MTPN: variants seen among roughly 807,000 people sequenced by gnomAD.
The protein encoded by MTPN is granule cell differentiation protein.
A neutral mutation model predicts 13.5 loss-of-function variants in MTPN; 2 were observed. That is an observed-to-expected ratio of 0.15 (90% CI 0.06 to 0.47). The LOEUF (loss-of-function observed/expected upper bound fraction) is 0.47. MTPN is among the 20% of genes least tolerant of loss of function. The pLI, the probability that MTPN is intolerant of heterozygous loss-of-function variation, is 0.97. For synonymous variants in MTPN, 46 were observed against 51.7 expected (o/e 0.89, Z 0.48); for missense variants, 79 against 137.9 (o/e 0.57, Z 2.14).
intron 1 of MTPN, among the ~76,000 whole-genome samples, chr7:135,953,787 C>G (rs1172786184): frequency 6.6e-6 from 1 of 152,006 alleles, no homozygotes; most frequent in Non-Finnish European, 1.5e-5. Flanking sequence ...AGAGTTTCAT[C>G]AGAAAGCATT....
intron 1 of MTPN, among the ~76,000 whole-genome samples, chr7:135,965,092 T>C (rs1037868799): frequency 7.2e-5 from 11 of 152,094 alleles, no homozygotes; most frequent in Non-Finnish European, 1.5e-4. Context: ...GCTGCCCCTT[T>C]ACAAAAAATG....
chr7:135,969,088 T>TGGGG (rs71174565), intron 1 of MTPN, among the ~76,000 whole-genome samples: 7 of 33,608 alleles, frequency 2.1e-4, no homozygotes, highest in African/African-American at 5.8e-4. Flanking sequence ...TGTTGTGGGG[T>TGGGG]GGGGGGGGGG....
chr7:135,975,312 T>A (rs1487114019), intron 1 of MTPN, among the ~76,000 whole-genome samples: 1 of 152,262 alleles, frequency 6.6e-6, no homozygotes, highest in African/African-American at 2.4e-5. Flanking sequence ...AATCTTGGTA[T>A]GATACGCTTT....
At chr7:135,964,917 A>G (rs1170662434) in intron 1 of MTPN, among the ~76,000 whole-genome samples, 3 of 152,122 alleles carry the variant, frequency 2.0e-5, no homozygotes, top group Admixed American at 2.0e-4. Flanking sequence ...AGATGTGCAA[A>G]CTACGGCTCA....
chr7:135,972,260 C>CACACACACACACACACACACACACA (rs1554395914), intron 1 of MTPN, among the ~76,000 whole-genome samples: 1 of 83,372 alleles, frequency 1.2e-5, no homozygotes, highest in African/African-American at 4.3e-5. Context: ...CACACACACA[C>CACACACACACACACACACACACACA]CCCATGTAGA....
intron 1 of MTPN, among the ~76,000 whole-genome samples, chr7:135,963,079 T>C (rs542720746): frequency 6.6e-6 from 1 of 152,164 alleles, no homozygotes; most frequent in East Asian, 1.9e-4. Context: ...AACTAAATAT[T>C]GGACACCTGA....
chr7:135,937,978 C>CTA (rs1329643368), intron 3 of MTPN, among the ~76,000 whole-genome samples: 1 of 152,160 alleles, frequency 6.6e-6, no homozygotes, highest in Non-Finnish European at 1.5e-5. Context: ...TTTATGTCAT[C>CTA]TATATGCTTC....
chr7:135,972,916 T>A (rs1460174996), intron 1 of MTPN, among the ~76,000 whole-genome samples: 1 of 151,910 alleles, frequency 6.6e-6, no homozygotes, highest in African/African-American at 2.4e-5. Context: ...GCAGACTTGG[T>A]CAGGGAGGAT....
rs1278560106 is a variant in MTPN at position 135,927,424 on chromosome 7, T to C, written c.*2502A>G. The C allele has an allele frequency of 6.5e-6, 10 of 1,542,892 alleles. No homozygotes were observed. Among genetic ancestry groups the C allele is most frequent in the Middle Eastern group, 1.7e-4 (1 of 5,944 alleles). On this transcript the variant is annotated 3_prime_UTR_variant, in exon 4 of 4. Transcript: ENST00000393085. ...GTAAACTACCTGTTTGTACTTGATA[T>C]AGTGCATATGAAATGACTGATTTAA...
rs116867961 is a variant in MTPN, at chr7:135,929,029, C to G, written c.*897G>C. On this transcript the variant is annotated 3_prime_UTR_variant, in exon 4 of 4. Transcript: ENST00000393085. ...AACCAAGGTCAATCCATTCAAACAG[C>G]AAATAAAGAAAATCCATAGGTACTA... 2,239 of 167,122 alleles carry G rather than the reference C, an allele frequency of 0.013. 27 individuals carry two copies. Among genetic ancestry groups the G allele is most frequent in the Non-Finnish European group, 0.019 (1,286 of 68,088 alleles). The allele number at this position is 167,122 out of a possible 1,614,324, so 10.4% of individuals were successfully genotyped here. A position where few individuals can be genotyped will look rare whatever the true frequency, so the allele number is the denominator to read the frequency against.
At chr7:135,976,094 T>G (rs1360708284) in intron 1 of MTPN, among the ~76,000 whole-genome samples, 1 of 152,244 alleles carries the variant, frequency 6.6e-6, no homozygotes, top group African/African-American at 2.4e-5. Flanking sequence ...AGATTATCAC[T>G]AAATTAAAAT....
intron 3 of MTPN, among the ~76,000 whole-genome samples, chr7:135,939,280 A>C (rs1473784620): frequency 6.6e-6 from 1 of 152,092 alleles, no homozygotes; most frequent in Admixed American, 6.5e-5. Flanking sequence ...TTCAATTGTT[A>C]GATTCTCTGT....
rs1414995506 is a variant in MTPN at position 135,929,927 on chromosome 7, C to T, written c.356G>A (p.Ter119=). The change falls in exon 4 of 4, where the codon TGA becomes TAA. Residue 119 remains the stop codon, a stop_retained_variant. Transcript: ENST00000393085. ...CGGAGTTATCAGTCCATCCATCCAT[C>T]ACTGGAGAAGAGCTTTGATTGCCTG... ...DNQAIKALLQ[*] 29 of 1,613,878 alleles carry T rather than the reference C, an allele frequency of 1.8e-5. No homozygotes were observed. The highest frequency in any genetic ancestry group is 2.4e-5 in the Non-Finnish European group (28 of 1,179,888).
At chr7:135,930,591 T>C (rs35038606) in intron 3 of MTPN, among the ~76,000 whole-genome samples, 19,602 of 152,186 alleles carry the variant, frequency 0.13, 1,436 homozygotes, top group East Asian at 0.16. Context: ...AACGCTTAAC[T>C]TGGAGAGTGC....
intron 1 of MTPN, among the ~76,000 whole-genome samples, chr7:135,953,417 C>A (rs546356690): frequency 1.3e-5 from 2 of 152,222 alleles, no homozygotes; most frequent in South Asian, 4.1e-4. Context: ...AGAACAGGAG[C>A]TCCATCACCA....
intron 3 of MTPN, among the ~76,000 whole-genome samples, chr7:135,933,292 T>C (rs968541082): frequency 2.0e-5 from 3 of 152,138 alleles, no homozygotes; most frequent in African/African-American, 7.2e-5. Flanking sequence ...TCCTGCTACA[T>C]ACATAGGCCT....
rs568612305 is a variant in MTPN, at chr7:135,977,112, G to C, written c.-12C>G. ...TCCTTGTCGCACATCACTGCAGCGG[G>C]GCAGGCCGGTTGGCCGGGCAGAAGA... On this transcript the variant is annotated 5_prime_UTR_variant, in exon 1 of 4. Coordinates refer to ENST00000393085, the MANE Select transcript of MTPN (RefSeq NM_145808.4). The C allele has an allele frequency of 8.7e-6, 14 of 1,613,932 alleles. No homozygotes were observed. In the South Asian group the frequency reaches 1.4e-4, roughly 16 times the overall value.
intron 1 of MTPN, among the ~76,000 whole-genome samples, chr7:135,975,563 TA>T: frequency 6.6e-6 from 1 of 152,256 alleles, no homozygotes. Flanking sequence ...TTGGTAGCTG[TA>T]AGTTCAGTTA....
In MTPN at chr7:135,951,638, G is replaced by C. The variant is rs751312519; in HGVS notation, c.73-8C>G. 4.4e-6 allele frequency: 7 copies of C among 1,587,492 alleles called. No individual in the cohort carries two copies. In the East Asian group the frequency reaches 6.7e-5, roughly 15 times the overall value. On this transcript the variant is annotated splice_polypyrimidine_tract_variant and splice_region_variant and intron_variant, in intron 1 of 3. Transcript: ENST00000393085. ...CCGGTTGACATCTTCTCCCTGATAA[G>C]AAAACCAAATGAAAACAATATTTAT...
Sources: allele counts gnomAD v4.1 joint callset (sites outside exome capture counted in the v4.1 genomes callset), GRCh38; gene constraint gnomAD v4.1.1; transcripts MANE v1.5; gene names NCBI Gene and HGNC (gene_info 2026-07-23, HGNC 2026-07-21).